TSNAXIP1: variants seen among roughly 807,000 people sequenced by gnomAD.
TSNAXIP1 encodes the protein translin associated factor X interacting protein 1.
TSNAXIP1 carries 89 observed loss-of-function variants against 84.8 expected under a neutral mutation model. That is an observed-to-expected ratio of 1.05 (90% CI 0.88 to 1.25). The LOEUF (loss-of-function observed/expected upper bound fraction) is 1.25. Among genes scored for constraint, TSNAXIP1 ranks in the 50% most tolerant of loss-of-function variants. TSNAXIP1 has a pLI of 0.00. For synonymous variants in TSNAXIP1, 347 were observed against 335.2 expected (o/e 1.04, Z -0.39); for missense variants, 874 against 887.6 (o/e 0.98, Z 0.20).
intron 1 of TSNAXIP1, among the ~76,000 whole-genome samples, chr16:67,810,478 G>A (rs540534585): frequency 6.6e-6 from 1 of 151,940 alleles, no homozygotes; most frequent in South Asian, 2.1e-4. Flanking sequence ...AATTAGCCGG[G>A]CTTGGTGGTG....
intron 8 of TSNAXIP1, 33 bp downstream of exon 8, chr16:67,825,869 G>A (rs1289268094): frequency 1.2e-6 from 2 of 1,613,946 alleles, no homozygotes; most frequent in Non-Finnish European, 1.7e-6. Context: ...AGGAGGGTAG[G>A]ACGGGGTCTC....
intron 4 of TSNAXIP1, among the ~76,000 whole-genome samples, chr16:67,823,105 G>C (rs1276913974): frequency 6.6e-6 from 1 of 152,204 alleles, no homozygotes; most frequent in Non-Finnish European, 1.5e-5. Context: ...AGTCCACTAG[G>C]CCTCAGAGAC....
rs765403274 is a variant in TSNAXIP1 at position 67,826,050 on chromosome 16, C to T, written c.1118C>T (p.Pro373Leu). 1.9e-5 allele frequency: 31 copies of T among 1,613,574 alleles called. No homozygotes were observed. Among genetic ancestry groups the T allele is most frequent in the African/African-American group, 5.3e-5 (4 of 74,924 alleles). ...ELQEIQRTSTPRPDWTKCKDV... is the reference protein window; with the variant it reads ...ELQEIQRTSTLRPDWTKCKDV... ...CAGGAGATCCAGCGCACTTCCACGC[C>T]GCGGCCTGACTGGACCAAGTGCAAA... The change falls in exon 9 of 16, where the codon CCG (proline) becomes CTG (leucine). Residue 373 changes from proline (P) to leucine (L), a missense_variant. Transcript: ENST00000561639.
intron 7 of TSNAXIP1, 169 bp downstream of exon 7, chr16:67,825,441 C>A: frequency 8.4e-7 from 1 of 1,189,474 alleles, no homozygotes; most frequent in Non-Finnish European, 1.2e-6. Context: ...CTGAGTTGAA[C>A]TGAGAATTGT....
intron 10 of TSNAXIP1, 24 bp from the exon 11 acceptor site, chr16:67,826,413 A>G: frequency 6.2e-7 from 1 of 1,612,848 alleles, no homozygotes; most frequent in Non-Finnish European, 8.5e-7. Flanking sequence ...GGGTCCAGAG[A>G]TGAGCTGATA....
At chr16:67,823,259 A>C (rs1295232011) in intron 4 of TSNAXIP1, among the ~76,000 whole-genome samples, 1 of 152,208 alleles carries the variant, frequency 6.6e-6, no homozygotes, top group East Asian at 1.9e-4. Flanking sequence ...AAAGAAAAAA[A>C]CAGTGCCAGG....
rs1170623253 is a variant in TSNAXIP1, at chr16:67,824,779, G to A, written c.678G>A (p.Glu226=). The change falls in exon 6 of 16, where the codon GAG becomes GAA. Residue 226 remains glutamate (E), a splice_region_variant and synonymous_variant. Coordinates refer to ENST00000561639, the MANE Select transcript of TSNAXIP1 (RefSeq NM_001288990.3). ...AGGAGAAGATTTCATTGCAGAGCGA[G>A]GTGAATGGAAGTGGTGTGATGATGA... ...KNEEKISLQS[E]VTKLRKNLAE... 3.1e-6 allele frequency: 5 copies of A among 1,613,162 alleles called. No individual in the cohort carries two copies. The East Asian group carries it at 1.1e-4, about 36-fold the overall frequency.
chr16:67,811,998 T>C (rs545979614), intron 1 of TSNAXIP1, among the ~76,000 whole-genome samples: 8 of 152,180 alleles, frequency 5.3e-5, no homozygotes, highest in Non-Finnish European at 7.3e-5. Flanking sequence ...GCAGAGTTTC[T>C]CAACTGGGTT....
At chr16:67,821,583 CA>C (rs891418868) in intron 4 of TSNAXIP1, among the ~76,000 whole-genome samples, 4 of 150,988 alleles carry the variant, frequency 2.6e-5, no homozygotes, top group South Asian at 2.1e-4. Flanking sequence ...GTCTCAAAAA[CA>C]AAAAAAAGCC....
chr16:67,827,013 G>A lies in TSNAXIP1; in HGVS notation c.1605G>A (p.Leu535=), dbSNP rs1341981077. Reference sequence around the variant, plus strand: ...AGAAGGAGACAGTAGCCCAGCTGCTGAAGGAGATGACAAATGCTGACAGTC... The same window carrying A: ...AGAAGGAGACAGTAGCCCAGCTGCTAAAGGAGATGACAAATGCTGACAGTC... ...VTQKETVAQL[L]KEMTNADSQN... is the part of the protein sequence containing the mutation. Residue 535 remains leucine, a synonymous_variant, in exon 13 of 16, where the codon CTG becomes CTA. Transcript: ENST00000561639. 6 of 1,614,176 alleles carry A rather than the reference G, an allele frequency of 3.7e-6. No homozygotes were observed. The highest frequency in any genetic ancestry group is 3.4e-6 in the Non-Finnish European group (4 of 1,180,044).
Position 67,827,520 on chromosome 16 carries a change from A to G in TSNAXIP1, c.1839A>G (p.Gln613=), listed in dbSNP as rs1043725035. Residue 613 remains glutamine (Q), a synonymous_variant, in exon 15 of 16, where the codon CAA becomes CAG. Transcript: ENST00000561639. ...CCTTTGTGCAAAAACTCTGGGAACA[A>G]TACATGGATGAGAAGGACGAGTACT... ...SEPFVQKLWE[Q]YMDEKDEYLQ... The G allele has an allele frequency of 2.5e-5, 41 of 1,614,088 alleles. No homozygotes were observed. Among genetic ancestry groups the G allele is most frequent in the Non-Finnish European group, 3.4e-5 (40 of 1,180,036 alleles).
chr16:67,816,472 A>G (rs994112780), intron 2 of TSNAXIP1, among the ~76,000 whole-genome samples: 1 of 152,124 alleles, frequency 6.6e-6, no homozygotes, highest in Non-Finnish European at 1.5e-5. Flanking sequence ...TTGGAAACAC[A>G]TGGGCCACAC....
rs764731959 is a variant in TSNAXIP1, at chr16:67,824,631, T to A, written c.530T>A (p.Leu177His). 2 of 1,614,110 alleles carry A rather than the reference T, an allele frequency of 1.2e-6. No individual in the cohort carries two copies. The highest frequency in any genetic ancestry group is 3.3e-5 in the Admixed American group (2 of 60,018). The change falls in exon 6 of 16, where the codon CTT becomes CAT. Residue 177 changes from leucine (L) to histidine (H), a missense_variant. Leu to His is a moderately conservative substitution (Grantham distance 99). Transcript: ENST00000561639. Reference protein sequence around the residue: ...IRALEPLKAKLVTVNEDCNER... With the variant: ...IRALEPLKAKHVTVNEDCNER... ...GCTCTGGAGCCCCTGAAGGCCAAGC[T>A]TGTCACTGTGAATGAGGACTGCAAT...
At chr16:67,811,217 A>G (rs2056049507) in intron 1 of TSNAXIP1, among the ~76,000 whole-genome samples, 1 of 145,740 alleles carries the variant, frequency 6.9e-6, no homozygotes, top group Non-Finnish European at 1.5e-5. Flanking sequence ...CTTTTTGGAT[A>G]AGTGTACAGG....
intron 1 of TSNAXIP1, among the ~76,000 whole-genome samples, chr16:67,808,180 TC>T (rs1015747104): frequency 1.4e-5 from 2 of 147,146 alleles, no homozygotes; most frequent in African/African-American, 5.0e-5. Context: ...GAATGTAGTG[TC>T]CCCCCTTCTA....
In TSNAXIP1 at chr16:67,827,251, C is replaced by T. The variant is rs2057531420; in HGVS notation, c.1667C>T (p.Thr556Ile). ...TGGCCCTCATGTCTCCCCTACAGCA[C>T]TGTCCTCAAGAGTACCTTCCCTCTC... The part of the protein sequence containing the change: ...EGLLTMEQFN[T>I]VLKSTFPLKT... Residue 556 changes from threonine (T) to isoleucine (I), a missense_variant and splice_region_variant, in exon 14 of 16, where the codon ACT becomes ATT. Transcript: ENST00000561639. 1 of 1,614,202 alleles carries T rather than the reference C, an allele frequency of 6.2e-7. No homozygotes were observed. The highest frequency in any genetic ancestry group is 8.5e-7 in the Non-Finnish European group (1 of 1,180,030).
rs1371578821 is a variant in TSNAXIP1 at position 67,825,818 on chromosome 16, C to A, written c.966C>A (p.Asn322Lys). ...ACTTTGAAATGCAGGAGAAGACCAACAAGGATCTTCAGGAGCAGGTGCTGG... is the reference window on the plus strand; with the variant it reads ...ACTTTGAAATGCAGGAGAAGACCAAAAAGGATCTTCAGGAGCAGGTGCTGG... ...RRDFEMQEKT[N>K]KDLQEQLDTL... The change falls in exon 8 of 16, where the codon AAC becomes AAA. Residue 322 changes from asparagine to lysine, a missense_variant. Physicochemically the swap from Asn to Lys is moderately conservative, Grantham distance 94. Coordinates refer to ENST00000561639, the MANE Select transcript of TSNAXIP1 (RefSeq NM_001288990.3). The A allele has an allele frequency of 1.2e-6, 2 of 1,614,042 alleles. No individual in the cohort carries two copies. The highest frequency in any genetic ancestry group is 4.5e-5 in the East Asian group (2 of 44,888).
At chr16:67,823,875 T>A (rs1246292012) in intron 5 of TSNAXIP1, among the ~76,000 whole-genome samples, 156 bp downstream of exon 5, 1 of 151,420 alleles carries the variant, frequency 6.6e-6, no homozygotes, top group East Asian at 2.0e-4. Flanking sequence ...AAAAATTAGC[T>A]GCGCATGGTG....
In TSNAXIP1 at chr16:67,807,109, T is replaced by G. The variant is rs2055503436; in HGVS notation, c.-41T>G. ...CGACCGGCTGTACGCTACCACAGCT[T>G]CCCAGGCCGCGGGTGCTGATTGCCC... On this transcript the variant is annotated 5_prime_UTR_variant, in exon 1 of 16. Transcript: ENST00000561639. The G allele has an allele frequency of 6.5e-7, 1 of 1,532,554 alleles. No homozygotes were observed. The allele number at this position is 1,532,554 out of a possible 1,614,324, so 94.9% of individuals were successfully genotyped here.
Sources: allele counts gnomAD v4.1 joint callset (sites outside exome capture counted in the v4.1 genomes callset), GRCh38; gene constraint gnomAD v4.1.1; transcripts MANE v1.5; gene names NCBI Gene and HGNC (gene_info 2026-07-23, HGNC 2026-07-21).